ADRA1B: variants seen among roughly 807,000 people sequenced by gnomAD.
The protein encoded by ADRA1B is alpha-1B adrenergic receptor.
In ADRA1B, 17 loss-of-function variants were observed where a neutral mutation model predicts 17.9. The ratio of observed to expected loss-of-function variants is 0.95; its 90% CI spans 0.65 to 1.42. The LOEUF (loss-of-function observed/expected upper bound fraction) is 1.42. Ranked by LOEUF, ADRA1B falls within the 40% of genes most tolerant of loss-of-function variation. ADRA1B has a pLI of 0.00. For missense variants in ADRA1B, 681 were observed against 722.1 expected (o/e 0.94, Z 0.65); for synonymous variants, 366 against 327.6 (o/e 1.12, Z -1.27).
chr5:159,867,451 C>A (rs940754076), intron 1 of ADRA1B, among the ~76,000 whole-genome samples: 1 of 152,156 alleles, frequency 6.6e-6, no homozygotes, highest in Non-Finnish European at 1.5e-5. Flanking sequence ...ACTGATTCAC[C>A]ATCTTGCTGG....
chr5:159,883,267 C>T (rs1442831667), intron 1 of ADRA1B, among the ~76,000 whole-genome samples: 1 of 152,178 alleles, frequency 6.6e-6, no homozygotes, highest in Admixed American at 6.5e-5. Flanking sequence ...TTCTCAATGT[C>T]TTGCAGTCTG....
intron 1 of ADRA1B, among the ~76,000 whole-genome samples, chr5:159,931,147 T>C (rs1039312793): frequency 2.6e-5 from 4 of 151,440 alleles, no homozygotes; most frequent in African/African-American, 9.7e-5. Flanking sequence ...CCCAGCAATT[T>C]GAGAGGCTGA....
At chr5:159,945,736 G>GTTT (rs1231519561) in intron 1 of ADRA1B, among the ~76,000 whole-genome samples, 14 of 147,008 alleles carry the variant, frequency 9.5e-5, no homozygotes, top group Non-Finnish European at 1.5e-4. Context: ...TTTCTGGTGG[G>GTTT]TTTTTTTGTT....
chr5:159,898,639 A>T (rs1754062122), intron 1 of ADRA1B, among the ~76,000 whole-genome samples: 1 of 152,194 alleles, frequency 6.6e-6, no homozygotes, highest in South Asian at 2.1e-4. Flanking sequence ...TTTTATCTGC[A>T]TTTTTGCATT....
At chr5:159,933,179 A>G (rs2113205597) in intron 1 of ADRA1B, among the ~76,000 whole-genome samples, 1 of 152,366 alleles carries the variant, frequency 6.6e-6, no homozygotes, top group African/African-American at 2.4e-5. Context: ...AATGAGGTTA[A>G]GCATCTTTTC....
In ADRA1B at chr5:159,972,466, A is replaced by G. The variant is rs1332418848; in HGVS notation, c.1537A>G (p.Met513Val). 3.5e-6 allele frequency: 5 copies of G among 1,408,924 alleles called. No individual in the cohort carries two copies. The East Asian group carries it at 1.7e-4, about 48-fold the overall frequency. The allele number at this position is 1,408,924 out of a possible 1,614,324, so 87.3% of individuals were successfully genotyped here. A position where few individuals can be genotyped will look rare whatever the true frequency, so the allele number is the denominator to read the frequency against. The part of the protein sequence containing the change: ...ANGQPGFKSN[M>V]PLAPGQF Reference sequence around the variant, plus strand: ...CGGGCAGCCGGGCTTCAAAAGCAACATGCCCCTGGCGCCCGGGCAGTTTTA... The same window carrying G: ...CGGGCAGCCGGGCTTCAAAAGCAACGTGCCCCTGGCGCCCGGGCAGTTTTA... Residue 513 changes from methionine to valine, a missense_variant, in exon 2 of 2, where the codon ATG becomes GTG. Transcript: ENST00000306675.
At chr5:159,941,349 A>G (rs890012792) in intron 1 of ADRA1B, among the ~76,000 whole-genome samples, 1 of 152,204 alleles carries the variant, frequency 6.6e-6, no homozygotes, top group African/African-American at 2.4e-5. Flanking sequence ...AATATGGCTG[A>G]GATGTCTCAA....
the ADRA1B span, among the ~76,000 whole-genome samples, chr5:159,987,284 T>C: frequency 6.6e-6 from 1 of 152,340 alleles, no homozygotes; most frequent in East Asian, 1.9e-4. Context: ...CCGATCCTCC[T>C]GCGGCGGGGG....
intron 1 of ADRA1B, chr5:159,869,074 C>T (rs1753702119): frequency 6.6e-6 from 1 of 152,208 alleles, no homozygotes; most frequent in Non-Finnish European, 1.5e-5. Context: ...GAAAAACCAA[C>T]TGAAATCGGG....
chr5:159,892,868 T>G (rs1231644175), intron 1 of ADRA1B, among the ~76,000 whole-genome samples: 1 of 152,220 alleles, frequency 6.6e-6, no homozygotes, highest in Non-Finnish European at 1.5e-5. Flanking sequence ...GATTGTTGGG[T>G]CAAATGGTAT....
At chr5:159,943,173 C>G (rs1193312006) in intron 1 of ADRA1B, among the ~76,000 whole-genome samples, 1 of 151,070 alleles carries the variant, frequency 6.6e-6, no homozygotes, top group East Asian at 1.9e-4. Flanking sequence ...GATTGCGCCA[C>G]TGTACTCCCG....
chr5:159,923,771 T>A (rs903993698), intron 1 of ADRA1B, among the ~76,000 whole-genome samples: 1 of 152,262 alleles, frequency 6.6e-6, no homozygotes, highest in Non-Finnish European at 1.5e-5. Flanking sequence ...TTGGACCCCA[T>A]TGTAGACCTC....
the ADRA1B span, among the ~76,000 whole-genome samples, chr5:159,978,114 G>T: frequency 0.022 from 3,390 of 152,014 alleles, 45 homozygotes; most frequent in Non-Finnish European, 0.034. Context: ...ATTTATATGT[G>T]TATTGTCTGT....
At chr5:159,970,008 C>G (rs1236879487) in intron 1 of ADRA1B, among the ~76,000 whole-genome samples, 2 of 151,610 alleles carry the variant, frequency 1.3e-5, no homozygotes, top group East Asian at 3.9e-4. Context: ...TGCTGTGTGA[C>G]CTGGGGCAAG....
At chr5:159,974,158 G>A (rs66726305), downstream of ADRA1B, among the ~76,000 whole-genome samples, 15,825 of 152,126 alleles carry the variant, frequency 0.1, 1,961 homozygotes, top group African/African-American at 0.3. Flanking sequence ...GGGCACAAAC[G>A]AGATTGTCAA....
Position 159,916,574 on chromosome 5 carries a change from G to A in ADRA1B, c.-332G>A, listed in dbSNP as rs1204074676. On this transcript the variant is annotated 5_prime_UTR_variant, in exon 1 of 2. Transcript: ENST00000306675. ...CGGTCCGCAGACCCGAGCGAGCTGG[G>A]CACCGCCGGGCGCCCCCGGCCCTGC... The A allele has an allele frequency of 3.4e-5, 7 of 207,266 alleles. No individual in the cohort carries two copies. Among genetic ancestry groups the A allele is most frequent in the African/African-American group, 1.4e-4 (6 of 43,196 alleles). 12.8% of individuals were successfully genotyped at this position (207,266 alleles called of 1,614,324 possible).
At chr5:159,916,309 C>A (rs1166716624), upstream of ADRA1B, 1 of 152,032 alleles carries the variant, frequency 6.6e-6, no homozygotes, top group Non-Finnish European at 1.5e-5. Flanking sequence ...CCCCTGCCCC[C>A]GCCCCGCCCC....
At chr5:159,936,964 C>A (rs72810104) in intron 1 of ADRA1B, among the ~76,000 whole-genome samples, 14 of 152,238 alleles carry the variant, frequency 9.2e-5, no homozygotes, top group East Asian at 3.9e-4. Context: ...GGGTCCTCAG[C>A]GCAGCAGCAT....
chr5:159,947,809 G>A (rs1420953673), intron 1 of ADRA1B: 16 of 985,388 alleles, frequency 1.6e-5, no homozygotes, highest in African/African-American at 1.4e-4. Context: ...GGACACGGGA[G>A]CTACATTGCA....
Sources: allele counts gnomAD v4.1 joint callset (sites outside exome capture counted in the v4.1 genomes callset), GRCh38; gene constraint gnomAD v4.1.1; transcripts MANE v1.5; gene names NCBI Gene and HGNC (gene_info 2026-07-23, HGNC 2026-07-21).